The following SRMS variants were observed in gnomAD, a reference collection of about 807,000 sequenced individuals.
The protein encoded by SRMS is src-related kinase lacking C-terminal regulatory tyrosine and N-terminal myristylation sites, also known as tyrosine-protein kinase Srms.
Under a neutral mutation model 43.5 loss-of-function variants are expected in SRMS, and 42 were observed. The observed-to-expected ratio is 0.97, with a 90% confidence interval of 0.75 to 1.25. SRMS has a LOEUF of 1.25. SRMS is among the 50% of genes most tolerant of loss of function. The probability of loss-of-function intolerance (pLI) is 0.00; values close to 1 mark genes in which losing one functional copy is unlikely to be tolerated. For synonymous variants in SRMS, 316 were observed against 308.2 expected, an observed-to-expected ratio of 1.03 and a Z score of -0.27; for missense variants, 703 against 681.0, an observed-to-expected ratio of 1.03 and a Z score of -0.36.
chr20:63,545,216 G>A (rs1314971311), intron 1 of SRMS, among the ~76,000 whole-genome samples: 2 of 152,150 alleles, frequency 1.3e-5, no homozygotes, highest in Admixed American at 6.5e-5. Context: ...GGAGCCGGAG[G>A]CATCCTTGGA....
At position 63,542,307 on chromosome 20, in the gene SRMS, T is replaced by A. The variant is rs2082709280; in HGVS notation, c.802A>T (p.Thr268Ser). ...KVIKSANMKL[T>S]DLAKEIQTLK... Reference sequence around the variant, plus strand: ...GTCTGGATCTCCTTGGCGAGGTCAGTGAGCTTCATGTTGGCTGCGAGAGAG... The same window carrying A: ...GTCTGGATCTCCTTGGCGAGGTCAGAGAGCTTCATGTTGGCTGCGAGAGAG... The change falls in exon 5 of 8, where the codon ACT becomes TCT. Residue 268 changes from threonine (T) to serine (S), a missense_variant. Thr to Ser is a moderately conservative substitution (Grantham distance 58). Transcript: ENST00000217188. The A allele has an allele frequency of 6.2e-7, 1 of 1,610,134 alleles. No individual in the cohort carries two copies. Among genetic ancestry groups the A allele is most frequent in the African/African-American group, 1.3e-5 (1 of 74,882 alleles).
chr20:63,546,688 C>T (rs1218114349), intron 1 of SRMS, among the ~76,000 whole-genome samples: 1 of 151,832 alleles, frequency 6.6e-6, no homozygotes, highest in African/African-American at 2.4e-5. Flanking sequence ...TCACCCAGAG[C>T]TCCTGGAGCT....
intron 2 of SRMS, 31 bp from the exon 3 acceptor site, chr20:63,543,511 C>G: frequency 6.2e-7 from 1 of 1,605,414 alleles, no homozygotes; most frequent in South Asian, 1.1e-5. Flanking sequence ...GAGACCCCTG[C>G]CTTGGCTGCC....
rs773006880 is a variant in SRMS, at chr20:63,541,192, T to C, written c.1284A>G (p.Glu428=). Residue 428 remains glutamate, a splice_region_variant and synonymous_variant, in exon 7 of 8, where the codon GAA becomes GAG. Coordinates refer to ENST00000217188, the MANE Select transcript of SRMS (RefSeq NM_080823.4). ...CCCTCTGGCTGCCTGGGGACCCACC[T>C]TCATAGGGACACTGGCCATAGGTGA... ...EVFTYGQCPY[E]GMTNHETLQQ... The C allele has an allele frequency of 3.9e-6, 6 of 1,553,904 alleles. No homozygotes were observed. The highest frequency in any genetic ancestry group is 3.6e-5 in the South Asian group (3 of 82,466).
rs978567376 is a variant in SRMS, at chr20:63,547,534, C to T, written c.-71G>A. The T allele has an allele frequency of 1.1e-4, 150 of 1,348,102 alleles. 1 individual carries two copies. The highest frequency in any genetic ancestry group is 7.1e-4 in the South Asian group (45 of 63,792). 83.5% of individuals were successfully genotyped at this position (1,348,102 alleles called of 1,614,324 possible). A position where few individuals can be genotyped will look rare whatever the true frequency, so the allele number is the denominator to read the frequency against. ...AGCCCGGAAGAGGAACTGGCAGGGC[C>T]GGTGGGACCCGGTGTCCAGCGCTCC... On this transcript the variant is annotated 5_prime_UTR_variant, in exon 1 of 8. Transcript: ENST00000217188.
intron 4 of SRMS, 35 bp downstream of exon 4, chr20:63,542,405 G>A: frequency 6.2e-7 from 1 of 1,600,868 alleles, no homozygotes; most frequent in Non-Finnish European, 8.5e-7. Context: ...AGCAGGTGCG[G>A]GGCCCGGCCG....
Position 63,547,250 on chromosome 20 carries a change from C to G in SRMS, c.214G>C (p.Val72Leu). The change falls in exon 1 of 8, where the codon GTC becomes CTC. Residue 72 changes from valine to leucine, a missense_variant. Physicochemically the swap from Val to Leu is conservative, Grantham distance 32. Coordinates refer to ENST00000217188, the MANE Select transcript of SRMS (RefSeq NM_080823.4). ...FTARCGGELS[V>L]RRGDRLCALE... The stretch of plus-strand genomic sequence containing the variant: ...GCACAGAGCCTGTCCCCGCGGCGGA[C>G]ACTCAGCTCCCCGCCACACCGCGCC... The G allele has an allele frequency of 6.2e-7, 1 of 1,608,416 alleles. No homozygotes were observed. Among genetic ancestry groups the G allele is most frequent in the Non-Finnish European group, 8.5e-7 (1 of 1,177,576 alleles).
At position 63,540,749 on chromosome 20, in the gene SRMS, C is replaced by T. The variant is rs924656995; in HGVS notation, c.*69G>A. ...TCGGTCCGGCAGACCGGCATCCCTT[C>T]GAGTTGGCGCTCTGCAGGGAGGAGG... On this transcript the variant is annotated 3_prime_UTR_variant, in exon 8 of 8. Coordinates refer to ENST00000217188, the MANE Select transcript of SRMS (RefSeq NM_080823.4). 3.5e-5 allele frequency: 53 copies of T among 1,504,424 alleles called. No homozygotes were observed. Among genetic ancestry groups the T allele is most frequent in the Admixed American group, 3.4e-4 (16 of 47,432 alleles). 93.2% of individuals were successfully genotyped at this position (1,504,424 alleles called of 1,614,324 possible). A position where few individuals can be genotyped will look rare whatever the true frequency, so the allele number is the denominator to read the frequency against.
chr20:63,547,145 C>T lies in SRMS; in HGVS notation c.319G>A (p.Val107Met), dbSNP rs140812771. ...AGCGTCTCAGGAGAAGCCTTGGCCA[C>T]GTGGGTGATGGGCACGAGCCCGGCG... ...PSAGLVPITH[V>M]AKASPETLSD... The change falls in exon 1 of 8, where the codon GTG becomes ATG. Residue 107 changes from valine to methionine, a missense_variant. Transcript: ENST00000217188. 6.8e-6 allele frequency: 11 copies of T among 1,605,948 alleles called. No individual in the cohort carries two copies. In the South Asian group the frequency reaches 1.0e-4, roughly 15 times the overall value.
chr20:63,543,242 G>T (rs940518099), intron 3 of SRMS, 72 bp downstream of exon 3: 3 of 1,557,826 alleles, frequency 1.9e-6, no homozygotes, highest in Admixed American at 3.5e-5. Flanking sequence ...TTGTGACGGG[G>T]TGGGGAGGAG....
At chr20:63,543,942 A>G (rs1434298981) in intron 2 of SRMS, among the ~76,000 whole-genome samples, 2 of 152,200 alleles carry the variant, frequency 1.3e-5, no homozygotes, top group African/African-American at 4.8e-5. Context: ...TGAGTGAGGA[A>G]TGAACGAGTG....
chr20:63,540,690 ACGCCAGGG>A lies in SRMS; in HGVS notation c.*120_*127del. The A allele has an allele frequency of 8.2e-7, 1 of 1,220,932 alleles. No individual in the cohort carries two copies. Among genetic ancestry groups the A allele is most frequent in the Non-Finnish European group, 1.1e-6 (1 of 888,242 alleles). 75.6% of individuals were successfully genotyped at this position (1,220,932 alleles called of 1,614,324 possible). On this transcript the variant is annotated 3_prime_UTR_variant, in exon 8 of 8. Transcript: ENST00000217188. ...CTGCCTGGTGCACGAACATGTGTGCACGCCAGGGCCTGAGGCCCACAGCCAGAGGCTCC... is the reference window on the plus strand; with the variant it reads ...CTGCCTGGTGCACGAACATGTGTGCACCTGAGGCCCACAGCCAGAGGCTCC...
Position 63,543,367 on chromosome 20 carries a change from T to C in SRMS, c.592A>G (p.Lys198Glu). The C allele has an allele frequency of 1.2e-6, 2 of 1,612,802 alleles. No homozygotes were observed. Among genetic ancestry groups the C allele is most frequent in the Non-Finnish European group, 1.7e-6 (2 of 1,179,962 alleles). The change falls in exon 3 of 8, where the codon AAG becomes GAG. Residue 198 changes from lysine (K) to glutamate (E), a missense_variant. Lys to Glu is a moderately conservative substitution (Grantham distance 56). Coordinates refer to ENST00000217188, the MANE Select transcript of SRMS (RefSeq NM_080823.4). Reference protein sequence around the residue: ...PGLEELLTYYKANWKLIQNPL... With the variant: ...PGLEELLTYYEANWKLIQNPL... ...TTCTGGATCAGCTTCCAGTTGGCCT[T>C]GTAGTAGGTGAGCAGCTCCTCCAGG...
chr20:63,544,068 G>A (rs1231972047), intron 2 of SRMS, among the ~76,000 whole-genome samples, 159 bp downstream of exon 2: 1 of 152,268 alleles, frequency 6.6e-6, no homozygotes, highest in East Asian at 1.9e-4. Context: ...ATAAATGGGT[G>A]AGTTAGCAAG....
In SRMS at chr20:63,547,621, TC is replaced by T; in HGVS notation, c.-159del. 1.5e-6 allele frequency: 1 copy of T among 654,424 alleles called. No individual in the cohort carries two copies. The highest frequency in any genetic ancestry group is 2.4e-6 in the Non-Finnish European group (1 of 415,364). The allele number at this position is 654,424 out of a possible 1,614,324, so 40.5% of individuals were successfully genotyped here. ...TGCGGTCACTCAGAGGTCCCCTGGATCCAGGAGGCACACGGTTCCCACCGGC... is the reference window on the plus strand; with the variant it reads ...TGCGGTCACTCAGAGGTCCCCTGGATCAGGAGGCACACGGTTCCCACCGGC... On this transcript the variant is annotated 5_prime_UTR_variant, in exon 1 of 8. Transcript: ENST00000217188.
rs2082740920 is a variant in SRMS, at chr20:63,547,566, T to C, written c.-103A>G. On this transcript the variant is annotated 5_prime_UTR_variant, in exon 1 of 8. Transcript: ENST00000217188. ...ACCCGGTGTCCAGCGCTCCCTGCCCTGGCCGTGGGGTGACAGGGGACCCCG... is the reference window on the plus strand; with the variant it reads ...ACCCGGTGTCCAGCGCTCCCTGCCCCGGCCGTGGGGTGACAGGGGACCCCG... The C allele has an allele frequency of 8.6e-7, 1 of 1,158,942 alleles. No individual in the cohort carries two copies. Among genetic ancestry groups the C allele is most frequent in the African/African-American group, 1.6e-5 (1 of 61,444 alleles). 71.8% of individuals were successfully genotyped at this position (1,158,942 alleles called of 1,614,324 possible).
rs56130722 is a variant in SRMS at position 63,542,209 on chromosome 20, G to C, written c.900C>G (p.Ile300Met). The C allele has an allele frequency of 2.5e-6, 4 of 1,612,030 alleles. No homozygotes were observed. The African/African-American group carries it at 5.3e-5, about 22-fold the overall frequency. Residue 300 changes from isoleucine (I) to methionine (M), a missense_variant, in exon 5 of 8, where the codon ATC becomes ATG. Coordinates refer to ENST00000217188, the MANE Select transcript of SRMS (RefSeq NM_080823.4). ...AVCSGGEPVY[I>M]VTELMRKGNL... ...TCCCCTTGCGCATGAGTTCCGTGACGATGTACACAGGCTCCCCGCCCGAGC... is the reference window on the plus strand; with the variant it reads ...TCCCCTTGCGCATGAGTTCCGTGACCATGTACACAGGCTCCCCGCCCGAGC...
rs917266491 is a variant in SRMS at position 63,540,597 on chromosome 20, C to T, written c.*221G>A. Among the ~76,000 whole-genome samples, 2 of 151,982 alleles carry T rather than the reference C, an allele frequency of 1.3e-5. No individual in the cohort carries two copies. The highest frequency in any genetic ancestry group is 2.9e-5 in the Non-Finnish European group (2 of 67,964). On this transcript the variant is annotated 3_prime_UTR_variant, in exon 8 of 8. Transcript: ENST00000217188. ...AGTCACACTGCATGGGGGACGTCAG[C>T]CCCAGCCCTCCGTCTGCACGAGTCA...
chr20:63,543,630 AGT>A, intron 2 of SRMS, 150 bp from the exon 3 acceptor site: 1 of 957,222 alleles, frequency 1.0e-6, no homozygotes, highest in Non-Finnish European at 1.5e-6. Context: ...TGGAGGAGGG[AGT>A]GTGGGCAGCC....
Sources: gnomAD v4.1 joint callset for allele counts (sites outside exome capture counted in the v4.1 genomes callset) on GRCh38, gnomAD v4.1.1 for gene constraint, MANE v1.5 for transcripts, NCBI Gene and HGNC (gene_info 2026-07-23, HGNC 2026-07-21) for gene names.